Variants in RIPOR1 observed in about 807,000 individuals in gnomAD.
RIPOR1 encodes the protein rho family-interacting cell polarization regulator 1.
Under a neutral mutation model 116.5 loss-of-function variants are expected in RIPOR1, and 58 were observed. The observed-to-expected ratio is 0.50, with a 90% CI of 0.40 to 0.62. The LOEUF (loss-of-function observed/expected upper bound fraction) is 0.62, where lower values mean the gene tolerates loss of function less well. RIPOR1 is among the 20% of genes least tolerant of loss of function. The pLI is 0.00. For synonymous variants in RIPOR1, 605 were observed against 650.0 expected (o/e 0.93, Z 1.05); for missense variants, 1,372 against 1,586.2 (o/e 0.86, Z 2.29).
Position 67,545,664 on chromosome 16 carries a change from T to G in RIPOR1, c.3191T>G (p.Val1064Gly). The G allele has an allele frequency of 1.3e-6, 2 of 1,567,030 alleles. No individual in the cohort carries two copies. The highest frequency in any genetic ancestry group is 1.7e-6 in the Non-Finnish European group (2 of 1,155,164). The part of the protein sequence containing the change: ...EAYVTETAEE[V>G]LLVRNLNSDD... ...CACCCACCATATCCCCTTTTTTCAGTGCTACTGGTGCGGAATCTGAACTCG... is the reference window on the plus strand; with the variant it reads ...CACCCACCATATCCCCTTTTTTCAGGGCTACTGGTGCGGAATCTGAACTCG... The change falls in exon 19 of 22, where the codon GTG becomes GGG. Residue 1064 changes from valine (V) to glycine (G), a missense_variant and splice_region_variant. This residue lies in a region of RIPOR1 where 1,005 missense variants were observed against 1,144.7 expected (regional missense o/e 0.88). Transcript: ENST00000042381. The surrounding 1 kb of genome is among the most constrained non-coding windows in gnomAD (Gnocchi z 4.8).
At chr16:67,522,793 C>T (rs531428848) in intron 1 of RIPOR1, among the ~76,000 whole-genome samples, 1 of 152,162 alleles carries the variant, frequency 6.6e-6, no homozygotes, top group East Asian at 1.9e-4. Context: ...ACCTCCCAGC[C>T]CCCCAACCCC....
intron 1 of RIPOR1, among the ~76,000 whole-genome samples, chr16:67,521,457 C>T (rs1567557444): frequency 6.6e-6 from 1 of 152,248 alleles, no homozygotes; most frequent in Non-Finnish European, 1.5e-5. Context: ...GCACCACACA[C>T]TGCAGCCTTC....
intron 1 of RIPOR1, among the ~76,000 whole-genome samples, chr16:67,533,498 T>A (rs1479687313): frequency 6.6e-6 from 1 of 151,974 alleles, no homozygotes; most frequent in African/African-American, 2.4e-5. Context: ...ACCAGCGTAT[T>A]GTCTCTTGAA....
rs1027734925 is a variant in RIPOR1, at chr16:67,537,035, C to G, written c.-23-1389C>G. Among the ~76,000 whole-genome samples the G allele has an allele frequency of 3.3e-5, 5 of 152,294 alleles. No individual in the cohort carries two copies. The highest frequency in any genetic ancestry group is 1.3e-4 in the Admixed American group (2 of 15,302). ...GTTCAAGCGATTCTCCTGTCTCAGC[C>G]TCCTGAGTAGCTGGGATTACAGGCG... On this transcript the variant is annotated intron_variant, in intron 1 of 21. Transcript: ENST00000042381. The surrounding 1 kb of genome is among the most constrained non-coding windows in gnomAD (Gnocchi z 4.6).
At chr16:67,524,888 A>G (rs1425403823), upstream of RIPOR1, among the ~76,000 whole-genome samples, 1 of 152,172 alleles carries the variant, frequency 6.6e-6, no homozygotes, top group Non-Finnish European at 1.5e-5. Flanking sequence ...ACACACACAC[A>G]GTGCCTGAGT....
rs907069192 is a variant in RIPOR1, at chr16:67,537,837, C to A, written c.-23-587C>A. ...CGCCCAGCTCTGGGAATCCCCCTGC[C>A]TGGAGGGCGCCGGGACGCCCGGGCC... is the stretch of plus-strand genomic sequence containing the variant. On this transcript the variant is annotated intron_variant, in intron 1 of 21. Transcript: ENST00000042381. This position sits in a 1 kb window ranked among gnomAD's most constrained non-coding sequence, Gnocchi z 4.6. Among the ~76,000 whole-genome samples, 6 of 151,666 alleles carry A rather than the reference C, an allele frequency of 4.0e-5. No individual in the cohort carries two copies. The highest frequency in any genetic ancestry group is 8.8e-5 in the Non-Finnish European group (6 of 67,858).
chr16:67,543,288 G>A lies in RIPOR1; in HGVS notation c.2478+24G>A. ...TGGTGAGGAGGGCTGGGCTGGGCTA[G>A]GGCAACCAGGGAGGGCAGCCAGGGG... On this transcript the variant is annotated intron_variant, in intron 13 of 21. Transcript: ENST00000042381. This position sits in a 1 kb window ranked among gnomAD's most constrained non-coding sequence, Gnocchi z 4.7. The A allele has an allele frequency of 6.2e-7, 1 of 1,604,116 alleles. No homozygotes were observed. The highest frequency in any genetic ancestry group is 8.5e-7 in the Non-Finnish European group (1 of 1,176,342).
rs1329305286 is a variant in RIPOR1 at position 67,544,590 on chromosome 16, C to T, written c.2734-105C>T. The T allele has an allele frequency of 8.3e-6, 13 of 1,567,450 alleles. No individual in the cohort carries two copies. Among genetic ancestry groups the T allele is most frequent in the Non-Finnish European group, 1.1e-5 (13 of 1,155,062 alleles). On this transcript the variant is annotated intron_variant, in intron 15 of 21. Transcript: ENST00000042381. The surrounding 1 kb of genome is among the most constrained non-coding windows in gnomAD (Gnocchi z 5.1). Reference sequence around the variant, plus strand: ...TTGCTGAATGGAGTATCTCCCAACTCTGCAACCCCAACCTCCCCCAGTGCA... The same window carrying T: ...TTGCTGAATGGAGTATCTCCCAACTTTGCAACCCCAACCTCCCCCAGTGCA...
Position 67,541,388 on chromosome 16 carries a change from C to A in RIPOR1, c.802-42C>A, listed in dbSNP as rs1258710203. On this transcript the variant is annotated intron_variant, in intron 10 of 21. Transcript: ENST00000042381. The surrounding 1 kb of genome is among the most constrained non-coding windows in gnomAD (Gnocchi z 4.6). Reference sequence around the variant, plus strand: ...CCTCAGATTTCCCATGATCTCATAGCCCCTGCACCCTTGTGACCCTACCAT... The same window carrying A: ...CCTCAGATTTCCCATGATCTCATAGACCCTGCACCCTTGTGACCCTACCAT... 14 of 1,593,826 alleles carry A rather than the reference C, an allele frequency of 8.8e-6. No homozygotes were observed. Among genetic ancestry groups the A allele is most frequent in the Non-Finnish European group, 1.1e-5 (13 of 1,168,368 alleles).
At position 67,541,877 on chromosome 16, in the gene RIPOR1, G is replaced by A. The variant is rs138905005; in HGVS notation, c.1091G>A (p.Arg364Gln). ...LREQAFYNMLRRQEELENGTA... is the reference protein window; with the variant it reads ...LREQAFYNMLQRQEELENGTA... The stretch of plus-strand genomic sequence containing the variant: ...TCTCCTCTTTCTCAGAACATGCTGC[G>A]ACGGCAGGAGGAGCTGGAGAATGGG... The change falls in exon 13 of 22, where the codon CGA becomes CAA. Residue 364 changes from arginine (R) to glutamine (Q), a missense_variant. Arg to Gln is a conservative substitution (Grantham distance 43, BLOSUM62 1). Around this residue, in one of 3 missense-constraint regions of RIPOR1, gnomAD observed 1,005 missense variants for 1,144.7 expected, o/e 0.88. Coordinates refer to ENST00000042381, the MANE Select transcript of RIPOR1 (RefSeq NM_024519.4). This position sits in a 1 kb window ranked among gnomAD's most constrained non-coding sequence, Gnocchi z 4.6. 32 of 1,609,244 alleles carry A rather than the reference G, an allele frequency of 2.0e-5. No homozygotes were observed. Among genetic ancestry groups the A allele is most frequent in the East Asian group, 2.2e-5 (1 of 44,790 alleles).
rs754613083 is a variant in RIPOR1 at position 67,538,768 on chromosome 16, G to A, written c.201G>A (p.Lys67=). The A allele has an allele frequency of 6.2e-7, 1 of 1,613,586 alleles. No individual in the cohort carries two copies. Among genetic ancestry groups the A allele is most frequent in the Non-Finnish European group, 8.5e-7 (1 of 1,179,956 alleles). ...RMFSVAHPAA[K]VPQPERLDLV... The stretch of plus-strand genomic sequence containing the variant: ...TTTCCGTGGCTCACCCAGCCGCCAA[G>A]GTGCCGCAGCCCGAGCGGCTGGACC... Residue 67 remains lysine (K), a synonymous_variant, in exon 3 of 22, where the codon AAG becomes AAA. Coordinates refer to ENST00000042381, the MANE Select transcript of RIPOR1 (RefSeq NM_024519.4).
upstream of RIPOR1, among the ~76,000 whole-genome samples, chr16:67,525,904 T>C (rs1405447924): frequency 6.6e-6 from 1 of 152,158 alleles, no homozygotes; most frequent in Non-Finnish European, 1.5e-5. Context: ...TTCCCTGAGC[T>C]TCAGGTGTCT....
At chr16:67,539,692 C>T in intron 4 of RIPOR1, 36 bp from the exon 5 acceptor site, 2 of 1,613,780 alleles carry the variant, frequency 1.2e-6, no homozygotes, top group Non-Finnish European at 1.7e-6. Context: ...CTCCTCATCC[C>T]TCCTAAATAT....
At chr16:67,546,066 G>A (rs372753880) in intron 20 of RIPOR1, 34 bp downstream of exon 20, 14 of 1,197,564 alleles carry the variant, frequency 1.2e-5, no homozygotes, top group African/African-American at 1.0e-4. Context: ...CCCTCTGTCC[G>A]CTTCCGGCAC....
At chr16:67,522,170 G>A (rs1430515584) in intron 1 of RIPOR1, among the ~76,000 whole-genome samples, 3 of 148,212 alleles carry the variant, frequency 2.0e-5, no homozygotes, top group Non-Finnish European at 4.4e-5. Context: ...TGAGACTACA[G>A]GCGTGTGCCA....
intron 1 of RIPOR1, among the ~76,000 whole-genome samples, chr16:67,519,827 C>T (rs769098804): frequency 9.3e-5 from 14 of 150,854 alleles, no homozygotes; most frequent in Non-Finnish European, 2.1e-4. Context: ...TGTGGGAGGC[C>T]GAGGCAGATG....
At position 67,543,161 on chromosome 16, in the gene RIPOR1, AGGCACTGGGGGCCCTAAT is replaced by A; in HGVS notation, c.2379_2396del (p.Leu794_Ala799del). 1.3e-6 allele frequency: 2 copies of A among 1,535,022 alleles called. No individual in the cohort carries two copies. Among genetic ancestry groups the A allele is most frequent in the Non-Finnish European group, 1.8e-6 (2 of 1,141,880 alleles). On this transcript the variant is annotated inframe_deletion, in exon 13 of 22. Transcript: ENST00000042381. This position sits in a 1 kb window ranked among gnomAD's most constrained non-coding sequence, Gnocchi z 4.7. Reference sequence around the variant, plus strand: ...GGGTCTGGGGACAGGAGCCTGGAGGAGGCACTGGGGGCCCTAATGGCTGCCCTGGATGACTACCGTGGC... The same window carrying A: ...GGGTCTGGGGACAGGAGCCTGGAGGAGGCTGCCCTGGATGACTACCGTGGC...
rs541612089 is a variant in RIPOR1 at position 67,540,675 on chromosome 16, C to T, written c.772C>T (p.Pro258Ser). The change falls in exon 10 of 22, where the codon CCT becomes TCT. Residue 258 changes from proline (P) to serine (S), a missense_variant. Coordinates refer to ENST00000042381, the MANE Select transcript of RIPOR1 (RefSeq NM_024519.4). This position sits in a 1 kb window ranked among gnomAD's most constrained non-coding sequence, Gnocchi z 4.7. ...VWDSEETIFL[P>S]LLTEFLSIKV... The stretch of plus-strand genomic sequence containing the variant: ...GGACAGTGAAGAAACCATCTTTCTC[C>T]CTCTACTCACGGAATTTCTGTCTAT... 1.2e-6 allele frequency: 2 copies of T among 1,608,308 alleles called. No homozygotes were observed. Among genetic ancestry groups the T allele is most frequent in the South Asian group, 1.1e-5 (1 of 90,206 alleles).
chr16:67,545,040 T>C lies in RIPOR1; in HGVS notation c.2954T>C (p.Val985Ala). 1.2e-6 allele frequency: 2 copies of C among 1,613,538 alleles called. No individual in the cohort carries two copies. The highest frequency in any genetic ancestry group is 1.7e-6 in the Non-Finnish European group (2 of 1,180,024). The stretch of plus-strand genomic sequence containing the variant: ...AGACTCAGCTGCTTCCTCTGCCCGG[T>C]GGAGCGGGTGCTTCTCACCTTCTGC... Reference protein sequence around the residue: ...TERLSCFLCPVERVLLTFCNQ... With the variant: ...TERLSCFLCPAERVLLTFCNQ... The change falls in exon 17 of 22, where the codon GTG (valine) becomes GCG (alanine). Residue 985 changes from valine to alanine, a missense_variant. By Grantham distance (64) the Val-to-Ala change is moderately conservative. Transcript: ENST00000042381. This position sits in a 1 kb window ranked among gnomAD's most constrained non-coding sequence, Gnocchi z 4.8.
Sources: allele counts gnomAD v4.1 joint callset (sites outside exome capture counted in the v4.1 genomes callset), GRCh38; gene constraint gnomAD v4.1.1; regional missense constraint gnomAD v4.1.1; non-coding constraint Gnocchi (gnomAD v3.1); transcripts MANE v1.5; gene names NCBI Gene and HGNC (gene_info 2026-07-23, HGNC 2026-07-21).